The following KRAS variants were observed in gnomAD, a reference collection of about 807,000 sequenced individuals.
KRAS encodes the protein GTPase KRas.
Under a neutral mutation model 21.0 loss-of-function variants are expected in KRAS, and 1 was observed. That is an observed-to-expected ratio of 0.05 (90% CI 0.02 to 0.23). The LOEUF (loss-of-function observed/expected upper bound fraction) is 0.23, where lower values mean the gene tolerates loss of function less well. Among genes scored for constraint, KRAS ranks in the 10% least tolerant of loss-of-function variants. The pLI is 1.00. For synonymous variants in KRAS, 67 were observed against 72.5 expected (o/e 0.92, Z 0.39); for missense variants, 107 against 221.8 (o/e 0.48, Z 3.29).
chr12:25,237,780 A>G (rs1343951450), intron 2 of KRAS, among the ~76,000 whole-genome samples: 1 of 152,230 alleles, frequency 6.6e-6, no homozygotes, highest in Admixed American at 6.5e-5. Context: ...AAAGTGCTAT[A>G]AAAAGTTAAC....
chr12:25,236,665 A>T (rs939195312), intron 2 of KRAS, among the ~76,000 whole-genome samples: 5 of 152,008 alleles, frequency 3.3e-5, no homozygotes, highest in African/African-American at 9.7e-5. Flanking sequence ...GGAGGGAGAG[A>T]GGGGAGCAGA....
chr12:25,231,956 A>G (rs1179471197), intron 2 of KRAS, among the ~76,000 whole-genome samples: 4 of 152,178 alleles, frequency 2.6e-5, no homozygotes, highest in East Asian at 3.8e-4. Flanking sequence ...AGGTCAGGCC[A>G]TAAGAAACAG....
At chr12:25,242,538 C>T (rs1951623760) in intron 2 of KRAS, among the ~76,000 whole-genome samples, 1 of 152,026 alleles carries the variant, frequency 6.6e-6, no homozygotes, top group Non-Finnish European at 1.5e-5. Context: ...CTTTAGTGGG[C>T]TTCATAAAAG....
chr12:25,211,726 C>T lies in KRAS; in HGVS notation c.451-1815G>A, dbSNP rs948781013. ...CTAATAGATCTATAATTCAAGAAAGCGTGACCAATATTTTAAGAGAGGTAA... is the reference window on the plus strand; with the variant it reads ...CTAATAGATCTATAATTCAAGAAAGTGTGACCAATATTTTAAGAGAGGTAA... On this transcript the variant is annotated intron_variant, in intron 4 of 4. Coordinates refer to ENST00000311936, the MANE Select transcript of KRAS (RefSeq NM_004985.5). Among the ~76,000 whole-genome samples, 6 of 152,186 alleles carry T rather than the reference C, an allele frequency of 3.9e-5. No homozygotes were observed. In the South Asian group the frequency reaches 6.2e-4, roughly 16 times the overall value.
At chr12:25,222,699 C>T (rs1951342792) in intron 4 of KRAS, among the ~76,000 whole-genome samples, 1 of 151,788 alleles carries the variant, frequency 6.6e-6, no homozygotes, top group Non-Finnish European at 1.5e-5. Context: ...ACAAAAAAAC[C>T]CAAGGCCACA....
chr12:25,211,226 TAAAA>T (rs529157411), intron 4 of KRAS: 2 of 152,144 alleles, frequency 1.3e-5, no homozygotes, highest in East Asian at 3.8e-4. Context: ...ATAAATGTAT[TAAAA>T]AAATTATATG....
At chr12:25,241,843 G>C (rs546537660) in intron 2 of KRAS, among the ~76,000 whole-genome samples, 1 of 152,252 alleles carries the variant, frequency 6.6e-6, no homozygotes, top group Admixed American at 6.5e-5. Flanking sequence ...CTGGAGGGCA[G>C]TCACCCAACC....
In KRAS at chr12:25,225,686, G is replaced by C. The variant is rs1300504131; in HGVS notation, c.378C>G (p.Asp126Glu). The C allele has an allele frequency of 6.2e-7, 1 of 1,613,202 alleles. No individual in the cohort carries two copies. The highest frequency in any genetic ancestry group is 1.1e-5 in the South Asian group (1 of 91,070). ...NKCDLPSRTV[D>E]TKQAQDLARS... ...TTGCTAAGTCCTGAGCCTGTTTTGT[G>C]TCTACTGTTCTAGAAGGCAAATCAC... The change falls in exon 4 of 5, where the codon GAC becomes GAG. Residue 126 changes from aspartate to glutamate, a missense_variant. Physicochemically the swap from Asp to Glu is conservative, Grantham distance 45 (BLOSUM62 2). Coordinates refer to ENST00000311936, the MANE Select transcript of KRAS (RefSeq NM_004985.5).
At chr12:25,221,363 G>A (rs1951323568) in intron 4 of KRAS, among the ~76,000 whole-genome samples, 1 of 151,650 alleles carries the variant, frequency 6.6e-6, no homozygotes. Flanking sequence ...CCCTTGAGTA[G>A]CCAGGATAAC....
intron 4 of KRAS, among the ~76,000 whole-genome samples, chr12:25,216,859 G>T (rs1187779270): frequency 6.6e-6 from 1 of 152,140 alleles, no homozygotes; most frequent in African/African-American, 2.4e-5. Flanking sequence ...GAAATACACA[G>T]AAATATTAAT....
At chr12:25,242,503 C>T (rs892692636) in intron 2 of KRAS, among the ~76,000 whole-genome samples, 1 of 152,090 alleles carries the variant, frequency 6.6e-6, no homozygotes, top group Admixed American at 6.5e-5. Context: ...TAATCTTGCC[C>T]TAATAACGAG....
intron 4 of KRAS, among the ~76,000 whole-genome samples, chr12:25,222,517 T>C (rs1951339811): frequency 6.6e-6 from 1 of 152,164 alleles, no homozygotes; most frequent in Admixed American, 6.5e-5. Flanking sequence ...AATTACATAA[T>C]AACATCAGTG....
intron 1 of KRAS, among the ~76,000 whole-genome samples, chr12:25,246,914 C>CA (rs60777057): frequency 0.33 from 47,103 of 142,320 alleles, 7,594 homozygotes; most frequent in Middle Eastern, 0.39. Context: ...CACTCCGTCT[C>CA]AAAAAAAAAA....
intron 2 of KRAS, among the ~76,000 whole-genome samples, chr12:25,239,026 G>A (rs960056061): frequency 2.0e-5 from 3 of 152,106 alleles, no homozygotes; most frequent in South Asian, 4.1e-4. Context: ...AGTGCAAGGC[G>A]CACACTTCTC....
At chr12:25,222,654 C>T (rs1016078643) in intron 4 of KRAS, among the ~76,000 whole-genome samples, 3 of 152,018 alleles carry the variant, frequency 2.0e-5, no homozygotes, top group Non-Finnish European at 2.9e-5. Context: ...TGTTTATCTA[C>T]TTACATATTA....
chr12:25,218,825 C>G (rs953351909), intron 4 of KRAS, among the ~76,000 whole-genome samples: 1 of 152,030 alleles, frequency 6.6e-6, no homozygotes, highest in African/African-American at 2.4e-5. Context: ...TATTTAATAC[C>G]GACTGGCTAC....
intron 2 of KRAS, among the ~76,000 whole-genome samples, chr12:25,230,462 C>T (rs537626554): frequency 1.4e-4 from 21 of 152,158 alleles, no homozygotes; most frequent in African/African-American, 4.6e-4. Flanking sequence ...AACCCCATCT[C>T]TACTAAACAT....
intron 1 of KRAS, among the ~76,000 whole-genome samples, chr12:25,245,979 G>C (rs755791302): frequency 6.6e-6 from 1 of 151,964 alleles, no homozygotes; most frequent in Non-Finnish European, 1.5e-5. Flanking sequence ...AAATAAAGCT[G>C]GATTGTGTCA....
Position 25,225,632 on chromosome 12 carries a change from T to C in KRAS, c.432A>G (p.Thr144=), listed in dbSNP as rs766109434. Residue 144 remains threonine, a synonymous_variant, in exon 4 of 5, where the codon ACA becomes ACG. Transcript: ENST00000311936. ...TACTTACCTGTCTTGTCTTTGCTGATGTTTCAATAAAAGGAATTCCATAAC... is the reference window on the plus strand; with the variant it reads ...TACTTACCTGTCTTGTCTTTGCTGACGTTTCAATAAAAGGAATTCCATAAC... ...ARSYGIPFIE[T]SAKTRQGVDD... is the part of the protein sequence containing the mutation. The C allele has an allele frequency of 2.5e-6, 4 of 1,613,144 alleles. No homozygotes were observed. The South Asian group carries it at 4.4e-5, about 18-fold the overall frequency.
Sources: gnomAD v4.1 joint callset for allele counts (sites outside exome capture counted in the v4.1 genomes callset) on GRCh38, gnomAD v4.1.1 for gene constraint, MANE v1.5 for transcripts, NCBI Gene and HGNC (gene_info 2026-07-23, HGNC 2026-07-21) for gene names.